The following COL20A1 variants were observed in gnomAD, a reference collection of about 807,000 sequenced individuals.
The protein encoded by COL20A1 is collagen type XX alpha 1 chain.
A neutral mutation model predicts 152.9 loss-of-function variants in COL20A1; 164 were observed. The observed-to-expected ratio is 1.07, with a 90% confidence interval of 0.94 to 1.22. The LOEUF is 1.22. Ranked by LOEUF, COL20A1 falls within the 50% of genes most tolerant of loss-of-function variation. The probability of loss-of-function intolerance (pLI) is 0.00; values close to 1 mark genes in which losing one functional copy is unlikely to be tolerated. For synonymous variants in COL20A1, 864 were observed against 756.0 expected (o/e 1.14, Z -2.34); for missense variants, 1,873 against 1,744.8 (o/e 1.07, Z -1.31).
intron 10 of COL20A1, 47 bp from the exon 11 acceptor site, chr20:63,310,334 C>A (rs1397052759): frequency 6.3e-7 from 1 of 1,599,664 alleles, no homozygotes; most frequent in African/African-American, 1.3e-5. Flanking sequence ...GCTCCCCATC[C>A]CCCGGCACCC....
chr20:63,313,388 C>G lies in COL20A1; in HGVS notation c.2209+139C>G, dbSNP rs1004341492. 37 of 966,776 alleles carry G rather than the reference C, an allele frequency of 3.8e-5. No individual in the cohort carries two copies. The highest frequency in any genetic ancestry group is 5.6e-5 in the Non-Finnish European group (37 of 666,652). The allele number at this position is 966,776 out of a possible 1,614,324, so 59.9% of individuals were successfully genotyped here. On this transcript the variant is annotated intron_variant, in intron 17 of 35. Transcript: ENST00000358894. This position sits in a 1 kb window ranked among gnomAD's most constrained non-coding sequence, Gnocchi z 5.9. ...CAGAGCCCTGATCACTGGGCCTGGTCGTTGGAGTCTGCAGCACTTCCTTGA... is the reference window on the plus strand; with the variant it reads ...CAGAGCCCTGATCACTGGGCCTGGTGGTTGGAGTCTGCAGCACTTCCTTGA...
chr20:63,312,385 C>T, intron 14 of COL20A1, 35 bp from the exon 15 acceptor site: 1 of 1,516,110 alleles, frequency 6.6e-7, no homozygotes, highest in Non-Finnish European at 8.8e-7. Flanking sequence ...CAGGCACCAG[C>T]TGGGCCTGCC....
At chr20:63,321,986 C>T (rs2068170910) in intron 26 of COL20A1, 72 bp from the exon 27 acceptor site, 25 of 1,304,674 alleles carry the variant, frequency 1.9e-5, no homozygotes, top group Non-Finnish European at 2.6e-5. Context: ...GCATGGGGCT[C>T]AGGGGCTGGT....
intron 29 of COL20A1, 123 bp from the exon 30 acceptor site, chr20:63,325,973 C>G: frequency 1.1e-6 from 1 of 892,380 alleles, no homozygotes; most frequent in Non-Finnish European, 1.8e-6. Context: ...CTGGCAGCCT[C>G]AGCTGCCTCA....
chr20:63,311,973 G>T lies in COL20A1; in HGVS notation c.1721G>T (p.Arg574Leu), dbSNP rs73329169. 1.2e-6 allele frequency: 2 copies of T among 1,601,196 alleles called. No homozygotes were observed. The highest frequency in any genetic ancestry group is 2.2e-5 in the East Asian group (1 of 44,454). ...TCAGACGTGAGCCACGACGCGGCAC[G>T]AGTGTTCTGGGAGGGTGCCCCGAGG... is the stretch of plus-strand genomic sequence containing the variant. ...GFSDVSHDAA[R>L]VFWEGAPRPV... Residue 574 changes from arginine (R) to leucine (L), a missense_variant, in exon 14 of 36, where the codon CGA (arginine) becomes CTA (leucine). Physicochemically the swap from Arg to Leu is moderately radical, Grantham distance 102 (BLOSUM62 -2). Coordinates refer to ENST00000358894, the MANE Select transcript of COL20A1 (RefSeq NM_020882.4). This position sits in a 1 kb window ranked among gnomAD's most constrained non-coding sequence, Gnocchi z 4.4.
At position 63,325,438 on chromosome 20, in the gene COL20A1, C is replaced by T. The variant is rs2068230271; in HGVS notation, c.3295-3C>T. 2 of 1,611,716 alleles carry T rather than the reference C, an allele frequency of 1.2e-6. No individual in the cohort carries two copies. Among genetic ancestry groups the T allele is most frequent in the Non-Finnish European group, 1.7e-6 (2 of 1,178,622 alleles). ...CGCTGTCCAGCCCATCTTCCCCCTC[C>T]AGGGTCCACCAGGGGTCAAAGGAGA... On this transcript the variant is annotated splice_region_variant and splice_polypyrimidine_tract_variant and intron_variant, in intron 27 of 35. Transcript: ENST00000358894.
Position 63,308,009 on chromosome 20 carries a change from G to A in COL20A1, c.694G>A (p.Asp232Asn). 6.2e-7 allele frequency: 1 copy of A among 1,612,588 alleles called. No homozygotes were observed. ...CAGCGGGGATGCTCAGACTGAGTGG[G>A]ACCTGAACTCCCTCAGCACCAAGGA... ...QYSGDAQTEW[D>N]LNSLSTKEQV... Residue 232 changes from aspartate to asparagine, a missense_variant, in exon 7 of 36, where the codon GAC becomes AAC. By Grantham distance (23) the Asp-to-Asn change is conservative (BLOSUM62 1). Transcript: ENST00000358894.
At position 63,305,462 on chromosome 20, in the gene COL20A1, C is replaced by T. The variant is rs1269861905; in HGVS notation, c.239C>T (p.Ala80Val). The T allele has an allele frequency of 6.2e-7, 1 of 1,602,032 alleles. No homozygotes were observed. Among genetic ancestry groups the T allele is most frequent in the Non-Finnish European group, 8.5e-7 (1 of 1,175,176 alleles). ...ATACTGACCACCAAGACCCCTAAGG[C>T]CACAGTGGGGGGCCTGAGCCCCTCC... Reference protein sequence around the residue: ...EVILTTKTPKATVGGLSPSKG... With the variant: ...EVILTTKTPKVTVGGLSPSKG... Residue 80 changes from alanine to valine, a missense_variant, in exon 4 of 36, where the codon GCC (alanine) becomes GTC (valine). Coordinates refer to ENST00000358894, the MANE Select transcript of COL20A1 (RefSeq NM_020882.4). The surrounding 1 kb of genome is among the most constrained non-coding windows in gnomAD (Gnocchi z 4.9).
At chr20:63,312,693 T>G in intron 15 of COL20A1, 99 bp from the exon 16 acceptor site, 1 of 1,460,252 alleles carries the variant, frequency 6.8e-7, no homozygotes, top group Non-Finnish European at 9.2e-7. Context: ...ACGGGTGTGA[T>G]GGATGGGGGT....
chr20:63,293,375 T>C (rs2067740255), intron 1 of COL20A1, 100 bp downstream of exon 1: 1 of 152,078 alleles, frequency 6.6e-6, no homozygotes, highest in Non-Finnish European at 1.5e-5. Context: ...CAGAAAAGTC[T>C]AGATAGAGGC....
chr20:63,295,240 C>G, intron 2 of COL20A1, 51 bp downstream of exon 2: 2 of 1,233,208 alleles, frequency 1.6e-6, no homozygotes, highest in Non-Finnish European at 2.3e-6. Context: ...ACGCCTGCCC[C>G]ACCAGTGCCC....
intron 3 of COL20A1, among the ~76,000 whole-genome samples, chr20:63,298,534 C>T (rs1056705323): frequency 1.2e-4 from 18 of 152,248 alleles, no homozygotes; most frequent in African/African-American, 3.9e-4. Flanking sequence ...GAGATCCGCC[C>T]CCCTCAGCCT....
At chr20:63,325,814 G>T (rs556635802) in intron 29 of COL20A1, 93 bp downstream of exon 29, 2 of 1,178,000 alleles carry the variant, frequency 1.7e-6, no homozygotes, top group Non-Finnish European at 2.5e-6. Context: ...GGGTAGGGAG[G>T]GGGAGGTGCT....
At chr20:63,308,402 T>C in intron 7 of COL20A1, 140 bp from the exon 8 acceptor site, 1 of 877,700 alleles carries the variant, frequency 1.1e-6, no homozygotes, top group Non-Finnish European at 1.7e-6. Context: ...AGACCCTCCC[T>C]GCTCCCTTGG....
At chr20:63,299,521 T>G (rs535715469) in intron 3 of COL20A1, among the ~76,000 whole-genome samples, 1 of 152,264 alleles carries the variant, frequency 6.6e-6, no homozygotes, top group South Asian at 2.1e-4. Context: ...ATTTATCACA[T>G]GAATTCAATC....
At position 63,305,452 on chromosome 20, in the gene COL20A1, A is replaced by G; in HGVS notation, c.229A>G (p.Thr77Ala). 6.3e-7 allele frequency: 1 copy of G among 1,595,518 alleles called. No individual in the cohort carries two copies. Among genetic ancestry groups the G allele is most frequent in the Non-Finnish European group, 8.5e-7 (1 of 1,172,694 alleles). The change falls in exon 4 of 36, where the codon ACC (threonine) becomes GCC (alanine). Residue 77 changes from threonine to alanine, a missense_variant. Transcript: ENST00000358894. The surrounding 1 kb of genome is among the most constrained non-coding windows in gnomAD (Gnocchi z 4.9). ...SEQEVILTTK[T>A]PKATVGGLSP... ...ACAGGAGGTGATACTGACCACCAAGACCCCTAAGGCCACAGTGGGGGGCCT... is the reference window on the plus strand; with the variant it reads ...ACAGGAGGTGATACTGACCACCAAGGCCCCTAAGGCCACAGTGGGGGGCCT...
intron 6 of COL20A1, 29 bp downstream of exon 6, chr20:63,307,677 C>T (rs780946688): frequency 2.5e-6 from 4 of 1,600,572 alleles, no homozygotes; most frequent in Middle Eastern, 1.7e-4. Flanking sequence ...CGCCTCCTGC[C>T]CCACCCGGGT....
rs545628067 is a variant in COL20A1, at chr20:63,312,024, A to G, written c.1772A>G (p.Tyr591Cys). The G allele has an allele frequency of 5.6e-5, 89 of 1,601,920 alleles. 1 individual carries two copies. In the South Asian group the frequency reaches 8.8e-4, roughly 16 times the overall value. ...CCTGTGCGCCTGGTCAGGGTCACCT[A>G]TGTGTCCAGCGAGGGTGGACACTCG... ...PRPVRLVRVT[Y>C]VSSEGGHSGQ... The change falls in exon 14 of 36, where the codon TAT becomes TGT. Residue 591 changes from tyrosine to cysteine, a missense_variant. Coordinates refer to ENST00000358894, the MANE Select transcript of COL20A1 (RefSeq NM_020882.4).
Position 63,320,027 on chromosome 20 carries a change from G to T in COL20A1, c.2917-12G>T. The stretch of plus-strand genomic sequence containing the variant: ...GCCTGGGCTGTGGAGAACCTCCCGT[G>T]CCGTCTCACAGGTGCACGTGGCTGT... On this transcript the variant is annotated splice_polypyrimidine_tract_variant and intron_variant, in intron 23 of 35. Transcript: ENST00000358894. 5 of 1,551,196 alleles carry T rather than the reference G, an allele frequency of 3.2e-6. No homozygotes were observed. The highest frequency in any genetic ancestry group is 4.4e-6 in the Non-Finnish European group (5 of 1,148,078).
Sources: allele counts gnomAD v4.1 joint callset (sites outside exome capture counted in the v4.1 genomes callset), GRCh38; gene constraint gnomAD v4.1.1; non-coding constraint Gnocchi (gnomAD v3.1); transcripts MANE v1.5; gene names NCBI Gene and HGNC (gene_info 2026-07-23, HGNC 2026-07-21).